Variants in ADTRP observed in about 807,000 individuals in gnomAD.
The protein encoded by ADTRP is androgen-dependent TFPI-regulating protein.
In ADTRP, 20 loss-of-function variants were observed where a neutral mutation model predicts 27.0. The observed-to-expected ratio is 0.74, with a 90% CI of 0.52 to 1.08. ADTRP has a LOEUF of 1.08. Among genes scored for constraint, ADTRP ranks in the 50% least tolerant of loss-of-function variants. The pLI, the probability that ADTRP is intolerant of heterozygous loss-of-function variation, is 0.00. For missense variants in ADTRP, 251 were observed against 275.0 expected, an observed-to-expected ratio of 0.91 and a Z score of 0.62; for synonymous variants, 101 against 105.2, an observed-to-expected ratio of 0.96 and a Z score of 0.25.
rs536503114 is a variant in ADTRP, at chr6:11,736,237, A to G, written c.391-554T>C. 2.2e-3 allele frequency: 347 copies of G among 158,318 alleles called. 3 individuals are homozygous for G. Among genetic ancestry groups the G allele is most frequent in the Non-Finnish European group, 2.5e-3 (181 of 72,084 alleles). The allele number at this position is 158,318 out of a possible 1,614,324, so 9.8% of individuals were successfully genotyped here. On this transcript the variant is annotated intron_variant, in intron 3 of 5. Coordinates refer to ENST00000414691, the MANE Select transcript of ADTRP (RefSeq NM_032744.4). ...TCTCCTAAAACACACACACACACAC[A>G]CGCACACACACTCATGCATACTCTC...
At chr6:11,754,118 C>T (rs928352114) in intron 3 of ADTRP, among the ~76,000 whole-genome samples, 2 of 152,128 alleles carry the variant, frequency 1.3e-5, no homozygotes, top group African/African-American at 4.8e-5. Flanking sequence ...CAACAGAATC[C>T]CAAATTTGAG....
chr6:11,750,879 C>A (rs1763022993), intron 3 of ADTRP, among the ~76,000 whole-genome samples: 1 of 152,168 alleles, frequency 6.6e-6, no homozygotes, highest in Admixed American at 6.5e-5. Context: ...GAGATAAGAA[C>A]CTTGCTGAAT....
chr6:11,755,997 A>G (rs1763203121), intron 3 of ADTRP, among the ~76,000 whole-genome samples: 1 of 152,152 alleles, frequency 6.6e-6, no homozygotes, highest in Admixed American at 6.5e-5. Context: ...TCCCAATACT[A>G]TTTGCTGGTC....
intron 4 of ADTRP, among the ~76,000 whole-genome samples, chr6:11,727,779 G>A (rs1762258926): frequency 1.3e-5 from 2 of 152,098 alleles, no homozygotes; most frequent in African/African-American, 4.8e-5. Context: ...AGAGTATGAG[G>A]CAAGATGATA....
At chr6:11,719,634 G>A (rs1008288119) in intron 5 of ADTRP, among the ~76,000 whole-genome samples, 2 of 152,154 alleles carry the variant, frequency 1.3e-5, no homozygotes, top group African/African-American at 4.8e-5. Context: ...TTGGTGCTTG[G>A]CTGGTGACTT....
chr6:11,768,118 G>T, intron 2 of ADTRP, 131 bp downstream of exon 2: 1 of 1,141,882 alleles, frequency 8.8e-7, no homozygotes, highest in Non-Finnish European at 1.3e-6. Flanking sequence ...GCAGTCCTCA[G>T]ACAGGACATT....
At chr6:11,721,068 C>T (rs9394270) in intron 5 of ADTRP, among the ~76,000 whole-genome samples, 4 of 152,022 alleles carry the variant, frequency 2.6e-5, no homozygotes, top group Non-Finnish European at 4.4e-5. Context: ...GTAGTAAAAC[C>T]GCAGTCATGA....
At chr6:11,748,183 T>C (rs1465361594) in intron 3 of ADTRP, among the ~76,000 whole-genome samples, 2 of 152,216 alleles carry the variant, frequency 1.3e-5, no homozygotes, top group Admixed American at 6.5e-5. Context: ...GCCCTATAGA[T>C]ATTTCAAGGC....
At chr6:11,742,890 A>G (rs1302891473) in intron 3 of ADTRP, among the ~76,000 whole-genome samples, 1 of 152,238 alleles carries the variant, frequency 6.6e-6, no homozygotes, top group African/African-American at 2.4e-5. Context: ...TGAATCGGAC[A>G]CCAGCCAGGA....
intron 4 of ADTRP, among the ~76,000 whole-genome samples, chr6:11,727,614 G>A (rs1347166557): frequency 6.6e-6 from 1 of 152,098 alleles, no homozygotes; most frequent in Non-Finnish European, 1.5e-5. Context: ...CCAGAGGCTT[G>A]GAAAATTTCT....
At chr6:11,714,625 T>A in intron 5 of ADTRP, 113 bp from the exon 6 acceptor site, 1 of 1,211,672 alleles carries the variant, frequency 8.3e-7, no homozygotes, top group Non-Finnish European at 1.2e-6. Context: ...TGAACACACT[T>A]TTCCCAAGGT....
intron 1 of ADTRP, among the ~76,000 whole-genome samples, chr6:11,770,889 G>T (rs374505522): frequency 6.6e-6 from 1 of 152,202 alleles, no homozygotes; most frequent in Non-Finnish European, 1.5e-5. Context: ...ACAGGCTTGG[G>T]CCCAGGGGAA....
chr6:11,746,619 C>T (rs976085107), intron 3 of ADTRP, among the ~76,000 whole-genome samples: 3 of 152,130 alleles, frequency 2.0e-5, no homozygotes, highest in Non-Finnish European at 4.4e-5. Context: ...AAGCATTTTG[C>T]AAGGCTGATT....
At chr6:11,765,681 C>T (rs1763549967) in intron 3 of ADTRP, among the ~76,000 whole-genome samples, 1 of 152,018 alleles carries the variant, frequency 6.6e-6, no homozygotes, top group Admixed American at 6.5e-5. Context: ...CTCATGCCAG[C>T]CTTGCTTGTT....
At chr6:11,745,170 A>ATCTC (rs56245898) in intron 3 of ADTRP, among the ~76,000 whole-genome samples, 207 of 147,880 alleles carry the variant, frequency 1.4e-3, no homozygotes, top group Middle Eastern at 7.0e-3. Context: ...GGGTTAGTCA[A>ATCTC]TCTCTCTCTC....
intron 3 of ADTRP, among the ~76,000 whole-genome samples, chr6:11,759,501 T>TG (rs1763332717): frequency 1.3e-5 from 2 of 152,186 alleles, no homozygotes; most frequent in Admixed American, 1.3e-4. Context: ...CAAAACTTTT[T>TG]TTTTTAAAAA....
At chr6:11,760,015 T>C (rs1763347105) in intron 3 of ADTRP, among the ~76,000 whole-genome samples, 1 of 152,172 alleles carries the variant, frequency 6.6e-6, no homozygotes, top group Non-Finnish European at 1.5e-5. Flanking sequence ...CGAATGCCAC[T>C]CTGCTGGTAC....
intron 4 of ADTRP, among the ~76,000 whole-genome samples, chr6:11,726,444 G>C (rs968087028): frequency 2.6e-5 from 4 of 152,118 alleles, no homozygotes; most frequent in Admixed American, 2.6e-4. Flanking sequence ...TATGAGAATG[G>C]GTTGTTATAA....
chr6:11,752,696 G>A (rs1195278287), intron 3 of ADTRP, among the ~76,000 whole-genome samples: 2 of 152,168 alleles, frequency 1.3e-5, no homozygotes, highest in African/African-American at 4.8e-5. Flanking sequence ...CCTCATGTCT[G>A]CAATCTTCCC....
Sources: gnomAD v4.1 joint callset for allele counts (sites outside exome capture counted in the v4.1 genomes callset) on GRCh38, gnomAD v4.1.1 for gene constraint, MANE v1.5 for transcripts, NCBI Gene and HGNC (gene_info 2026-07-23, HGNC 2026-07-21) for gene names.